TNIK: variants seen among roughly 807,000 people sequenced by gnomAD.
TNIK encodes the protein TRAF2 and NCK-interacting protein kinase.
Under a neutral mutation model 191.3 loss-of-function variants are expected in TNIK, and 49 were observed. The ratio of observed to expected loss-of-function variants is 0.26; its 90% CI spans 0.20 to 0.32. The LOEUF is 0.32. Among genes scored for constraint, TNIK ranks in the 10% least tolerant of loss-of-function variants. The pLI, the probability that TNIK is intolerant of heterozygous loss-of-function variation, is 1.00. For missense variants in TNIK, 1,155 were observed against 1,702.3 expected, an observed-to-expected ratio of 0.68 and a Z score of 5.66; for synonymous variants, 594 against 600.9, an observed-to-expected ratio of 0.99 and a Z score of 0.17.
At chr3:171,404,123 A>G (rs539115735) in intron 1 of TNIK, among the ~76,000 whole-genome samples, 59 of 152,352 alleles carry the variant, frequency 3.9e-4, no homozygotes, top group Admixed American at 6.5e-4. Context: ...TATAACCCAT[A>G]TAAGTGTATA....
intron 1 of TNIK, among the ~76,000 whole-genome samples, chr3:171,457,565 G>C (rs1728923696): frequency 6.6e-6 from 1 of 152,190 alleles, no homozygotes; most frequent in South Asian, 2.1e-4. Context: ...ATCTAGATGA[G>C]GCCACCTCTC....
intron 18 of TNIK, among the ~76,000 whole-genome samples, chr3:171,115,187 T>C (rs1030959351): frequency 2.0e-5 from 3 of 152,202 alleles, no homozygotes; most frequent in Non-Finnish European, 4.4e-5. Flanking sequence ...AAAAATCTCT[T>C]GAGAGGAGGG....
chr3:171,296,459 T>G (rs73030928), intron 2 of TNIK, among the ~76,000 whole-genome samples: 43 of 152,316 alleles, frequency 2.8e-4, no homozygotes, highest in African/African-American at 9.6e-4. Flanking sequence ...TGCTTGTTAG[T>G]TACATTGATT....
intron 12 of TNIK, among the ~76,000 whole-genome samples, chr3:171,145,214 G>A (rs1342604488): frequency 6.6e-6 from 1 of 151,928 alleles, no homozygotes; most frequent in East Asian, 1.9e-4. Flanking sequence ...AGCCTCCCGA[G>A]TAGCTGGGAC....
In TNIK at chr3:171,269,972, C is replaced by T. The variant is rs1414229750; in HGVS notation, c.124-41751G>A. 1.3e-5 allele frequency among the ~76,000 whole-genome samples: 2 copies of T among 152,140 alleles called. 1 individual carries two copies. The highest frequency in any genetic ancestry group is 6.3e-3 in the Middle Eastern group (2 of 316). ...ACTAGGAAGCTTTTTACTTCTTCAT[C>T]TATGAGATCAGTCATACTTACCTAT... On this transcript the variant is annotated intron_variant, in intron 2 of 32. Coordinates refer to ENST00000436636, the MANE Select transcript of TNIK (RefSeq NM_015028.4).
At chr3:171,358,797 C>T (rs771714958) in intron 2 of TNIK, among the ~76,000 whole-genome samples, 12 of 152,062 alleles carry the variant, frequency 7.9e-5, no homozygotes, top group South Asian at 4.2e-4. Context: ...CTTGGAGGAA[C>T]GCCAACGTAA....
intron 1 of TNIK, among the ~76,000 whole-genome samples, chr3:171,425,391 A>G (rs1180212537): frequency 6.6e-6 from 1 of 152,178 alleles, no homozygotes; most frequent in Non-Finnish European, 1.5e-5. Context: ...CTATCTACAG[A>G]TTTATTTACC....
At chr3:171,145,160 C>T (rs150242992) in intron 12 of TNIK, among the ~76,000 whole-genome samples, 2,497 of 150,940 alleles carry the variant, frequency 0.017, 58 homozygotes, top group African/African-American at 0.052. Flanking sequence ...AATCTCAGCT[C>T]GCTTCAAGCT....
In TNIK at chr3:171,222,869, C is replaced by G. The variant is rs1377194035; in HGVS notation, c.180+5296G>C. Among the ~76,000 whole-genome samples, 3 of 151,992 alleles carry G rather than the reference C, an allele frequency of 2.0e-5. No individual in the cohort carries two copies. In the East Asian group the frequency reaches 5.8e-4, roughly 29 times the overall value. On this transcript the variant is annotated intron_variant, in intron 3 of 32. Transcript: ENST00000436636. ...TCAACTTCTGGCTCTTGCATTGGCT[C>G]TAGTAGTAGTTTGAGGAAAGGAGCC... is the stretch of plus-strand genomic sequence containing the variant.
chr3:171,108,209 G>A (rs1465278063), intron 19 of TNIK, 47 bp from the exon 20 acceptor site: 1 of 1,434,696 alleles, frequency 7.0e-7, no homozygotes, highest in African/African-American at 1.4e-5. Flanking sequence ...CCATCAAAAA[G>A]TGCTGGCTCA....
In TNIK at chr3:171,139,378, G is replaced by A. The variant is rs1039989290; in HGVS notation, c.1419+92C>T. Reference sequence around the variant, plus strand: ...ATGTTAGAAGGACACACGCACGCGCGCACACACACACACACACACACACAC... The same window carrying A: ...ATGTTAGAAGGACACACGCACGCGCACACACACACACACACACACACACAC... On this transcript the variant is annotated intron_variant, in intron 14 of 32. Coordinates refer to ENST00000436636, the MANE Select transcript of TNIK (RefSeq NM_015028.4). 5,609 of 691,256 alleles carry A rather than the reference G, an allele frequency of 8.1e-3. 9 individuals carry two copies. The highest frequency in any genetic ancestry group is 8.9e-3 in the Non-Finnish European group (3,569 of 400,342). 42.8% of individuals were successfully genotyped at this position (691,256 alleles called of 1,614,324 possible).
chr3:171,408,176 C>T (rs1178915014), intron 1 of TNIK, among the ~76,000 whole-genome samples: 1 of 152,098 alleles, frequency 6.6e-6, no homozygotes, highest in African/African-American at 2.4e-5. Context: ...ATGTTCTGTA[C>T]CTTGTATAGA....
chr3:171,309,117 A>C (rs987236767), intron 2 of TNIK, among the ~76,000 whole-genome samples: 3 of 152,272 alleles, frequency 2.0e-5, no homozygotes, highest in African/African-American at 7.2e-5. Flanking sequence ...TCACTGTAGC[A>C]CTATTCACAG....
intron 2 of TNIK, among the ~76,000 whole-genome samples, chr3:171,288,021 A>T (rs2108223387): frequency 6.6e-6 from 1 of 151,008 alleles, no homozygotes; most frequent in South Asian, 2.1e-4. Context: ...CTTTGTAGGG[A>T]CATGGATGAA....
chr3:171,154,259 C>CAAA (rs33932410), intron 12 of TNIK, among the ~76,000 whole-genome samples: 10 of 137,618 alleles, frequency 7.3e-5, no homozygotes, highest in Admixed American at 2.2e-4. Flanking sequence ...GATATCTCTT[C>CAAA]AAAAAAAAAA....
chr3:171,307,340 A>C (rs1169377672), intron 2 of TNIK, among the ~76,000 whole-genome samples: 1 of 152,084 alleles, frequency 6.6e-6, no homozygotes, highest in Non-Finnish European at 1.5e-5. Flanking sequence ...CCAGGACTTC[A>C]AGGGAAGGCC....
At chr3:171,304,367 C>T (rs1433952378) in intron 2 of TNIK, among the ~76,000 whole-genome samples, 1 of 152,072 alleles carries the variant, frequency 6.6e-6, no homozygotes, top group Non-Finnish European at 1.5e-5. Flanking sequence ...ACAACAGGTC[C>T]TGGAGAGGAT....
intron 1 of TNIK, among the ~76,000 whole-genome samples, chr3:171,422,273 AT>A (rs555196498): frequency 6.6e-6 from 1 of 152,128 alleles, no homozygotes; most frequent in Non-Finnish European, 1.5e-5. Context: ...TAAGTAAAAT[AT>A]AATATATATT....
Position 171,096,607 on chromosome 3 carries a change from C to A in TNIK, c.2592-2639G>T, listed in dbSNP as rs577414525. ...GCCTGCCCTCTTTACCTGGAAGATT[C>A]TTTTCTATTCTCTGCCTCCCTCTGG... On this transcript the variant is annotated intron_variant, in intron 22 of 32. Transcript: ENST00000436636. 1.2e-3 allele frequency among the ~76,000 whole-genome samples: 176 copies of A among 152,114 alleles called. 8 individuals are homozygous for A. Among genetic ancestry groups the A allele is most frequent in the Non-Finnish European group, 1.0e-3 (69 of 68,018 alleles).
Sources: gnomAD v4.1 joint callset for allele counts (sites outside exome capture counted in the v4.1 genomes callset) on GRCh38, gnomAD v4.1.1 for gene constraint, MANE v1.5 for transcripts, NCBI Gene and HGNC (gene_info 2026-07-23, HGNC 2026-07-21) for gene names.